FAM135B: variants seen among roughly 807,000 people sequenced by gnomAD.
FAM135B encodes family with sequence similarity 135 member B, also known as protein FAM135B.
Under a neutral mutation model 127.7 loss-of-function variants are expected in FAM135B, and 43 were observed. That is an observed-to-expected ratio of 0.34 (90% confidence interval 0.26 to 0.43). FAM135B has a LOEUF of 0.43. FAM135B is among the 20% of genes least tolerant of loss of function. The pLI, the probability that FAM135B is intolerant of heterozygous loss-of-function variation, is 1.00. For synonymous variants in FAM135B, 670 were observed against 665.1 expected, an observed-to-expected ratio of 1.01 and a Z score of -0.11; for missense variants, 1,558 against 1,725.6, an observed-to-expected ratio of 0.90 and a Z score of 1.72.
intron 12 of FAM135B, among the ~76,000 whole-genome samples, chr8:138,154,785 C>T (rs7832255): frequency 0.69 from 105,470 of 151,922 alleles, 36,648 homozygotes; most frequent in East Asian, 0.77. Context: ...CCAAGAAATA[C>T]GGGACTATGT....
At chr8:138,384,345 C>CATTT (rs10608773) in intron 1 of FAM135B, among the ~76,000 whole-genome samples, 3,489 of 150,842 alleles carry the variant, frequency 0.023, 44 homozygotes, top group East Asian at 0.058. Context: ...CCATAGGCTC[C>CATTT]ATTTATTTAT....
intron 1 of FAM135B, among the ~76,000 whole-genome samples, chr8:138,422,902 G>A (rs1587415230): frequency 6.6e-6 from 1 of 152,046 alleles, no homozygotes; most frequent in African/African-American, 2.4e-5. Flanking sequence ...AAGAAAATGT[G>A]GTCAATATAC....
At chr8:138,171,840 G>A (rs1820480843) in intron 11 of FAM135B, among the ~76,000 whole-genome samples, 1 of 152,180 alleles carries the variant, frequency 6.6e-6, no homozygotes, top group Non-Finnish European at 1.5e-5. Context: ...GGTGTATGCA[G>A]GCATGTGGTT....
intron 8 of FAM135B, 90 bp from the exon 9 acceptor site, chr8:138,195,397 T>G: frequency 1.6e-6 from 2 of 1,249,344 alleles, no homozygotes; most frequent in Non-Finnish European, 2.3e-6. Flanking sequence ...AGTTTCACAT[T>G]GGCATTAACG....
chr8:138,333,855 T>G lies in FAM135B; in HGVS notation c.78-22935A>C, dbSNP rs891020355. Among the ~76,000 whole-genome samples, 4 of 152,110 alleles carry G rather than the reference T, an allele frequency of 2.6e-5. No individual in the cohort carries two copies. In the East Asian group the frequency reaches 7.7e-4, roughly 29 times the overall value. On this transcript the variant is annotated intron_variant, in intron 2 of 19. Transcript: ENST00000395297. The stretch of plus-strand genomic sequence containing the variant: ...TCAACCTACTTATTTGAGGAATGAG[T>G]GCATGATCCATTTTAGTGGCCAGAA...
At chr8:138,333,492 C>T (rs559880879) in intron 2 of FAM135B, among the ~76,000 whole-genome samples, 8 of 152,148 alleles carry the variant, frequency 5.3e-5, no homozygotes, top group South Asian at 2.1e-4. Context: ...CCTTCCCTGA[C>T]GTCCAGCAGA....
intron 7 of FAM135B, among the ~76,000 whole-genome samples, chr8:138,218,218 A>C (rs1818721230): frequency 6.6e-6 from 1 of 152,224 alleles, no homozygotes; most frequent in South Asian, 2.1e-4. Context: ...CAAAGATAGA[A>C]ATAATTCTAC....
chr8:138,357,391 T>C (rs983940132), intron 2 of FAM135B, among the ~76,000 whole-genome samples: 1 of 152,158 alleles, frequency 6.6e-6, no homozygotes, highest in African/African-American at 2.4e-5. Context: ...TTATTGAAAA[T>C]GTTTATAACT....
intron 1 of FAM135B, among the ~76,000 whole-genome samples, chr8:138,420,625 A>C (rs1371254994): frequency 6.6e-6 from 1 of 152,148 alleles, no homozygotes; most frequent in Admixed American, 6.6e-5. Context: ...CCACCAGCAC[A>C]TCAAAAAGCT....
At chr8:138,289,335 T>G (rs189299961) in intron 3 of FAM135B, among the ~76,000 whole-genome samples, 1,888 of 152,308 alleles carry the variant, frequency 0.012, 32 homozygotes, top group African/African-American at 0.041. Flanking sequence ...CTCAGAATTG[T>G]TGAAGGAAGA....
intron 1 of FAM135B, among the ~76,000 whole-genome samples, chr8:138,468,773 G>T (rs111963605): frequency 1.3e-5 from 2 of 152,076 alleles, no homozygotes; most frequent in African/African-American, 4.8e-5. Flanking sequence ...GGCCGGATAC[G>T]GTGGCTTATG....
intron 2 of FAM135B, among the ~76,000 whole-genome samples, chr8:138,358,128 C>T (rs1416217753): frequency 6.6e-6 from 1 of 152,098 alleles, no homozygotes; most frequent in Non-Finnish European, 1.5e-5. Flanking sequence ...TCTCATGAAA[C>T]TTATTCACTA....
intron 1 of FAM135B, among the ~76,000 whole-genome samples, chr8:138,488,469 G>A (rs928921233): frequency 1.3e-5 from 2 of 151,938 alleles, no homozygotes; most frequent in African/African-American, 2.4e-5. Flanking sequence ...GACTACACAG[G>A]GTTATTTAAC....
At chr8:138,476,880 G>A (rs1260304327) in intron 1 of FAM135B, among the ~76,000 whole-genome samples, 1 of 152,140 alleles carries the variant, frequency 6.6e-6, no homozygotes, top group Non-Finnish European at 1.5e-5. Flanking sequence ...ACTGGAGCTG[G>A]ACTGGGATAA....
chr8:138,336,841 C>T (rs1261771578), intron 2 of FAM135B, among the ~76,000 whole-genome samples: 3 of 152,202 alleles, frequency 2.0e-5, no homozygotes, highest in East Asian at 1.9e-4. Flanking sequence ...TGATGAACAT[C>T]GATGCAAAAA....
chr8:138,406,249 A>G (rs1833481761), intron 1 of FAM135B, among the ~76,000 whole-genome samples: 1 of 152,124 alleles, frequency 6.6e-6, no homozygotes, highest in Non-Finnish European at 1.5e-5. Flanking sequence ...TTTGGATCTG[A>G]AATTGTGGCA....
chr8:138,489,867 T>C (rs2131695331), intron 1 of FAM135B, among the ~76,000 whole-genome samples: 1 of 152,326 alleles, frequency 6.6e-6, no homozygotes, highest in South Asian at 2.1e-4. Flanking sequence ...CATTCATGTC[T>C]CATATTCGAT....
intron 12 of FAM135B, among the ~76,000 whole-genome samples, chr8:138,162,624 A>C (rs1020151272): frequency 1.3e-5 from 2 of 152,188 alleles, no homozygotes; most frequent in South Asian, 2.1e-4. Context: ...CTCTTTTAAA[A>C]AGTCTTTAAA....
chr8:138,226,184 T>TGTGCGCGCGCGC, intron 7 of FAM135B, among the ~76,000 whole-genome samples: 1 of 139,202 alleles, frequency 7.2e-6, no homozygotes, highest in African/African-American at 2.7e-5. Context: ...TGTGTGTGTG[T>TGTGCGCGCGCGC]GCGCGCATGT....
Sources: gnomAD v4.1 joint callset for allele counts (sites outside exome capture counted in the v4.1 genomes callset) on GRCh38, gnomAD v4.1.1 for gene constraint, MANE v1.5 for transcripts, NCBI Gene and HGNC (gene_info 2026-07-23, HGNC 2026-07-21) for gene names.